The following TMEM255B variants were observed in gnomAD, a reference collection of about 807,000 sequenced individuals.
The protein encoded by TMEM255B is family with sequence similarity 70, member B.
In TMEM255B, 35 loss-of-function variants were observed where a neutral mutation model predicts 34.5. The ratio of observed to expected loss-of-function variants is 1.01; its 90% CI spans 0.77 to 1.34. The LOEUF is 1.34. Ranked by LOEUF, TMEM255B falls within the 40% of genes most tolerant of loss-of-function variation. The probability of loss-of-function intolerance (pLI) is 0.00; values close to 1 mark genes in which losing one functional copy is unlikely to be tolerated. For missense variants in TMEM255B, 432 were observed against 433.2 expected, an observed-to-expected ratio of 1.00 and a Z score of 0.02; for synonymous variants, 206 against 201.2, an observed-to-expected ratio of 1.02 and a Z score of -0.20.
intron 3 of TMEM255B, among the ~76,000 whole-genome samples, chr13:113,789,355 G>A (rs574996922): frequency 3.3e-5 from 5 of 152,318 alleles, no homozygotes; most frequent in African/African-American, 4.8e-5. Flanking sequence ...GTAGACATGC[G>A]CAGTCCTCAT....
Position 113,801,789 on chromosome 13 carries a change from G to T in TMEM255B, c.646G>T (p.Val216Phe). Residue 216 changes from valine (V) to phenylalanine (F), a missense_variant, in exon 7 of 9, where the codon GTC becomes TTC. Transcript: ENST00000375353. The part of the protein sequence containing the change: ...GLFLGIITAA[V>F]LGAFKDMVPL... ...GTTCCTGGGCATCATCACCGCCGCC[G>T]TCCTGGGGGCCTTCAAGGACATGGT... is the stretch of plus-strand genomic sequence containing the variant. The T allele has an allele frequency of 6.2e-7, 1 of 1,610,862 alleles. No individual in the cohort carries two copies. Among genetic ancestry groups the T allele is most frequent in the Non-Finnish European group, 8.5e-7 (1 of 1,178,610 alleles).
intron 1 of TMEM255B, among the ~76,000 whole-genome samples, chr13:113,762,079 G>A (rs1490386874): frequency 2.1e-5 from 3 of 144,936 alleles, no homozygotes; most frequent in African/African-American, 5.2e-5. Context: ...TTCACAGTGC[G>A]TGTAATAACA....
chr13:113,801,325 C>T (rs1054178036), intron 6 of TMEM255B, among the ~76,000 whole-genome samples: 2 of 152,198 alleles, frequency 1.3e-5, no homozygotes, highest in Admixed American at 6.5e-5. Context: ...CCCGTGACCC[C>T]GACGGCCTTC....
chr13:113,765,016 C>T (rs917775756), intron 1 of TMEM255B, among the ~76,000 whole-genome samples: 3 of 152,120 alleles, frequency 2.0e-5, no homozygotes, highest in African/African-American at 2.4e-5. Context: ...TGGTGGGAGC[C>T]GATGGTTTAT....
intron 3 of TMEM255B, among the ~76,000 whole-genome samples, chr13:113,783,068 G>C (rs1431976582): frequency 6.6e-6 from 1 of 152,050 alleles, no homozygotes; most frequent in Non-Finnish European, 1.5e-5. Flanking sequence ...TGGATATCTT[G>C]GTGGATTGGG....
intron 8 of TMEM255B, 83 bp from the exon 9 acceptor site, chr13:113,811,653 G>A (rs1322794777): frequency 1.9e-5 from 29 of 1,532,122 alleles, no homozygotes; most frequent in Non-Finnish European, 2.6e-5. Context: ...CGTGTGAGTG[G>A]CCCTGGTATA....
At chr13:113,771,745 T>G (rs1594625820) in intron 3 of TMEM255B, among the ~76,000 whole-genome samples, 1 of 152,226 alleles carries the variant, frequency 6.6e-6, no homozygotes, top group East Asian at 1.9e-4. Context: ...CACTTATCCA[T>G]ACACCAGTTG....
At chr13:113,800,658 C>T (rs2138573546) in intron 5 of TMEM255B, among the ~76,000 whole-genome samples, 169 bp from the exon 6 acceptor site, 1 of 152,236 alleles carries the variant, frequency 6.6e-6, no homozygotes, top group Non-Finnish European at 1.5e-5. Flanking sequence ...GGTCCTGGCC[C>T]CCGAGCCCCC....
Position 113,815,552 on chromosome 13 carries a change from G to A in TMEM255B, c.*3649G>A, listed in dbSNP as rs959818963. The A allele has an allele frequency of 2.0e-5, 3 of 152,272 alleles. No homozygotes were observed. Among genetic ancestry groups the A allele is most frequent in the Non-Finnish European group, 4.4e-5 (3 of 68,046 alleles). The allele number at this position is 152,272 out of a possible 1,614,324, so 9.4% of individuals were successfully genotyped here. On this transcript the variant is annotated 3_prime_UTR_variant, in exon 9 of 9. Coordinates refer to ENST00000375353, the MANE Select transcript of TMEM255B (RefSeq NM_182614.4). Reference sequence around the variant, plus strand: ...TCTTTCCCGTGCTATTCTCGTGATAGTGAGTAAGTCTCACGAGATCTGACT... The same window carrying A: ...TCTTTCCCGTGCTATTCTCGTGATAATGAGTAAGTCTCACGAGATCTGACT...
rs2050344931 is a variant in TMEM255B at position 113,763,772 on chromosome 13, T to G, written c.47-2343T>G. Reference sequence around the variant, plus strand: ...ATCACACTTTCCAACATATACCCACTGTCTCCCTTTTCCTTGTAAGAATGT... The same window carrying G: ...ATCACACTTTCCAACATATACCCACGGTCTCCCTTTTCCTTGTAAGAATGT... On this transcript the variant is annotated intron_variant, in intron 1 of 8. Coordinates refer to ENST00000375353, the MANE Select transcript of TMEM255B (RefSeq NM_182614.4). Among the ~76,000 whole-genome samples the G allele has an allele frequency of 2.6e-5, 4 of 152,398 alleles. No individual in the cohort carries two copies. The South Asian group carries it at 8.3e-4, about 32-fold the overall frequency.
chr13:113,779,195 T>C (rs2138539943), intron 3 of TMEM255B, among the ~76,000 whole-genome samples: 1 of 152,230 alleles, frequency 6.6e-6, no homozygotes, highest in South Asian at 2.1e-4. Flanking sequence ...AGACATTAGG[T>C]TGATGTTTTG....
chr13:113,801,017 A>C (rs3934939), intron 6 of TMEM255B, 105 bp downstream of exon 6: 1 of 366,180 alleles, frequency 2.7e-6, no homozygotes, highest in African/African-American at 2.4e-5. Context: ...GGGGACCCCT[A>C]TATCTACACC....
At chr13:113,771,304 C>T (rs138622414) in intron 3 of TMEM255B, among the ~76,000 whole-genome samples, 1 of 152,264 alleles carries the variant, frequency 6.6e-6, no homozygotes, top group East Asian at 1.9e-4. Flanking sequence ...GTGTTATGTG[C>T]GGTCTCTGTG....
At position 113,801,766 on chromosome 13, in the gene TMEM255B, TC is replaced by T. The variant is rs1491003021; in HGVS notation, c.625del (p.Leu209TrpfsTer47). The T allele has an allele frequency of 6.2e-7, 1 of 1,612,672 alleles. No homozygotes were observed. Among genetic ancestry groups the T allele is most frequent in the Non-Finnish European group, 8.5e-7 (1 of 1,179,504 alleles). ...GCAGTTCTGAACGTCCTGGGCCTGT[TC>T]CTGGGCATCATCACCGCCGCCGTCC... ...ASAVLNVLGLFLGIITAAVLG... is the reference protein window; with the variant it reads ...ASAVLNVLGLXLGIITAAVLG... On this transcript the variant is annotated frameshift_variant, in exon 7 of 9. Coordinates refer to ENST00000375353, the MANE Select transcript of TMEM255B (RefSeq NM_182614.4). LOFTEE classifies it high-confidence loss of function.
intron 3 of TMEM255B, among the ~76,000 whole-genome samples, chr13:113,784,293 A>G (rs964970102): frequency 3.9e-5 from 6 of 152,166 alleles, no homozygotes; most frequent in Admixed American, 1.3e-4. Context: ...AAAGAGGACA[A>G]TTAACCTGAG....
intron 3 of TMEM255B, among the ~76,000 whole-genome samples, chr13:113,786,614 GTCACTGTTGTCACCATCATCACCATCA>G (rs1188633726): frequency 6.6e-6 from 1 of 150,506 alleles, no homozygotes; most frequent in Non-Finnish European, 1.5e-5. Flanking sequence ...CATCACCGTC[GTCACTGTTGTCACCATCATCACCATCA>G]TCACTGTCGT....
chr13:113,766,463 G>A (rs764718732), intron 2 of TMEM255B: 3 of 753,264 alleles, frequency 4.0e-6, no homozygotes, highest in Non-Finnish European at 6.8e-6. Flanking sequence ...AAGGCAGAGG[G>A]GAATTGGGGT....
At position 113,815,449 on chromosome 13, in the gene TMEM255B, A is replaced by C. The variant is rs1174878288; in HGVS notation, c.*3546A>C. 4 of 152,318 alleles carry C rather than the reference A, an allele frequency of 2.6e-5. No individual in the cohort carries two copies. The highest frequency in any genetic ancestry group is 2.0e-4 in the Admixed American group (3 of 15,292). 9.4% of individuals were successfully genotyped at this position (152,318 alleles called of 1,614,324 possible). A position where few individuals can be genotyped will look rare whatever the true frequency, so the allele number is the denominator to read the frequency against. On this transcript the variant is annotated 3_prime_UTR_variant, in exon 9 of 9. Coordinates refer to ENST00000375353, the MANE Select transcript of TMEM255B (RefSeq NM_182614.4). ...TTTGCTGTGTCCCCACCCAAATCTC[A>C]ACTTGAATTGTATTTCCCAGAATTC...
chr13:113,763,376 G>A (rs1242037673), intron 1 of TMEM255B, among the ~76,000 whole-genome samples: 2 of 152,076 alleles, frequency 1.3e-5, no homozygotes, highest in Admixed American at 6.5e-5. Flanking sequence ...TTTCACCCAC[G>A]GGAGGTGCCT....
Sources: gnomAD v4.1 joint callset for allele counts (sites outside exome capture counted in the v4.1 genomes callset) on GRCh38, gnomAD v4.1.1 for gene constraint, MANE v1.5 for transcripts, NCBI Gene and HGNC (gene_info 2026-07-23, HGNC 2026-07-21) for gene names.